Variants in MECOM observed in about 807,000 individuals in gnomAD.
MECOM encodes the protein histone-lysine N-methyltransferase MECOM.
In MECOM, 13 loss-of-function variants were observed where a neutral mutation model predicts 116.3. The observed-to-expected ratio is 0.11, with a 90% CI of 0.07 to 0.18. The LOEUF is 0.18. MECOM is among the 10% of genes least tolerant of loss of function. MECOM has a pLI of 1.00. For missense variants in MECOM, 1,299 were observed against 1,509.0 expected (o/e 0.86, Z 2.31); for synonymous variants, 528 against 535.2 (o/e 0.99, Z 0.19).
intron 1 of MECOM, among the ~76,000 whole-genome samples, chr3:169,564,125 TGTAGA>T (rs1479708372): frequency 6.6e-6 from 1 of 152,084 alleles, no homozygotes; most frequent in African/African-American, 2.4e-5. Flanking sequence ...GAAGAAAAGG[TGTAGA>T]GTAAATTGCA....
chr3:169,158,669 TC>T (rs1211634414), intron 2 of MECOM, among the ~76,000 whole-genome samples: 1 of 152,168 alleles, frequency 6.6e-6, no homozygotes. Context: ...ACTGGATGGT[TC>T]AAGAGCAGAG....
intron 2 of MECOM, among the ~76,000 whole-genome samples, chr3:169,230,667 G>T (rs1034535528): frequency 2.0e-5 from 3 of 152,218 alleles, no homozygotes; most frequent in Non-Finnish European, 4.4e-5. Flanking sequence ...AATAGGTTTA[G>T]CCTCAAGATT....
At chr3:169,204,047 G>A (rs533456875) in intron 2 of MECOM, among the ~76,000 whole-genome samples, 2 of 152,234 alleles carry the variant, frequency 1.3e-5, no homozygotes, top group South Asian at 4.1e-4. Context: ...CTGAAATTTG[G>A]TTGAGCTATC....
rs777171315 is a variant in MECOM at position 169,381,427 on chromosome 3, C to T, written c.135G>A (p.Glu45=). The T allele has an allele frequency of 1.9e-6, 3 of 1,613,808 alleles. No homozygotes were observed. Among genetic ancestry groups the T allele is most frequent in the East Asian group, 2.2e-5 (1 of 44,850 alleles). Residue 45 remains glutamate (E), a synonymous_variant, in exon 2 of 17, where the codon GAG becomes GAA. Coordinates refer to ENST00000651503, the MANE Select transcript of MECOM (RefSeq NM_004991.4). ...CACTGGATGTGGCAGGAGAGCATGG[C>T]TCTTGAATATTGAGGGAGGGAGTGC... ...VASTPSLNIQ[E]PCSPATSSEA...
chr3:169,222,653 C>T (rs954439202), intron 2 of MECOM, among the ~76,000 whole-genome samples: 5 of 152,128 alleles, frequency 3.3e-5, no homozygotes, highest in Non-Finnish European at 5.9e-5. Flanking sequence ...ATGTCTGAAA[C>T]GCAGATATAA....
intron 2 of MECOM, among the ~76,000 whole-genome samples, chr3:169,206,300 C>T (rs1749907105): frequency 6.6e-6 from 1 of 152,110 alleles, no homozygotes; most frequent in Non-Finnish European, 1.5e-5. Context: ...ATCTAATAAT[C>T]ACAGTCATTG....
intron 2 of MECOM, among the ~76,000 whole-genome samples, chr3:169,301,004 C>T (rs891646525): frequency 6.6e-6 from 1 of 152,226 alleles, no homozygotes; most frequent in Non-Finnish European, 1.5e-5. Context: ...ACTGAATTAA[C>T]TTGAAGCAAT....
chr3:169,127,574 C>T (rs1733277816), intron 5 of MECOM, among the ~76,000 whole-genome samples: 1 of 152,072 alleles, frequency 6.6e-6, no homozygotes, highest in African/African-American at 2.4e-5. Context: ...TCACAATTTA[C>T]TATAAAGTTA....
In MECOM at chr3:169,649,969, T is replaced by C. The variant is rs529052565; in HGVS notation, c.37+13367A>G. Among the ~76,000 whole-genome samples, 92 of 152,352 alleles carry C rather than the reference T, an allele frequency of 6.0e-4. 1 individual carries two copies. In the South Asian group the frequency reaches 0.018, roughly 30 times the overall value. On this transcript the variant is annotated intron_variant, in intron 1 of 16. Coordinates refer to ENST00000651503, the MANE Select transcript of MECOM (RefSeq NM_004991.4). Reference sequence around the variant, plus strand: ...CCAAAACCCAGTTATTCCATTTTTGTAACCTTCTGTGTAAAGGAATGGGCT... The same window carrying C: ...CCAAAACCCAGTTATTCCATTTTTGCAACCTTCTGTGTAAAGGAATGGGCT...
intron 2 of MECOM, among the ~76,000 whole-genome samples, chr3:169,198,523 G>C (rs1300957265): frequency 6.6e-6 from 1 of 151,892 alleles, no homozygotes; most frequent in Non-Finnish European, 1.5e-5. Context: ...ATGAAGTTCT[G>C]ATGGCAAAGT....
At chr3:169,217,476 C>T (rs1042331618) in intron 2 of MECOM, among the ~76,000 whole-genome samples, 8 of 152,040 alleles carry the variant, frequency 5.3e-5, no homozygotes, top group Non-Finnish European at 8.8e-5. Context: ...CTACTATATA[C>T]ATGAAATGTT....
chr3:169,496,512 G>A lies in MECOM; in HGVS notation c.38-114988C>T, dbSNP rs561023680. Among the ~76,000 whole-genome samples the A allele has an allele frequency of 3.3e-5, 5 of 152,280 alleles. No homozygotes were observed. In the East Asian group the frequency reaches 9.6e-4, roughly 29 times the overall value. On this transcript the variant is annotated intron_variant, in intron 1 of 16. Transcript: ENST00000651503. ...TGTGTTTTTTCAGGAAGCTAATTCT[G>A]TGACTTCCTTAAAGAGAGGGTTGCT...
chr3:169,652,094 A>C (rs979068586), intron 1 of MECOM, among the ~76,000 whole-genome samples: 3 of 152,182 alleles, frequency 2.0e-5, no homozygotes, highest in Non-Finnish European at 4.4e-5. Context: ...CAAGTCTGAA[A>C]AAATGGTTGA....
chr3:169,500,333 T>C (rs1193929069), intron 1 of MECOM, among the ~76,000 whole-genome samples: 4 of 152,064 alleles, frequency 2.6e-5, no homozygotes, highest in Admixed American at 6.6e-5. Context: ...ATAAGTCTGA[T>C]GGCTTTTTTA....
At chr3:169,299,954 T>C (rs1380741200) in intron 2 of MECOM, among the ~76,000 whole-genome samples, 1 of 152,200 alleles carries the variant, frequency 6.6e-6, no homozygotes. Context: ...TTCCATATCA[T>C]TTCACTTTCC....
At chr3:169,453,972 G>A (rs553664479) in intron 1 of MECOM, among the ~76,000 whole-genome samples, 16 of 152,144 alleles carry the variant, frequency 1.1e-4, no homozygotes, top group Admixed American at 9.8e-4. Flanking sequence ...ACTTGTTGGG[G>A]TCAGAGCCTT....
At chr3:169,427,599 T>C (rs1280768348) in intron 1 of MECOM, among the ~76,000 whole-genome samples, 1 of 152,196 alleles carries the variant, frequency 6.6e-6, no homozygotes, top group Admixed American at 6.5e-5. Flanking sequence ...AATGGAAATC[T>C]CCACTCAGAT....
intron 9 of MECOM, among the ~76,000 whole-genome samples, chr3:169,111,209 T>C (rs1177122244): frequency 6.6e-6 from 1 of 152,120 alleles, no homozygotes; most frequent in East Asian, 1.9e-4. Context: ...TCAAAGACAC[T>C]GAATCCCTTT....
At chr3:169,597,706 T>G (rs1767304664) in intron 1 of MECOM, among the ~76,000 whole-genome samples, 2 of 152,190 alleles carry the variant, frequency 1.3e-5, no homozygotes, top group African/African-American at 2.4e-5. Context: ...TCACAAACCT[T>G]GATACCTCTG....
Sources: allele counts gnomAD v4.1 joint callset (sites outside exome capture counted in the v4.1 genomes callset), GRCh38; gene constraint gnomAD v4.1.1; transcripts MANE v1.5; gene names NCBI Gene and HGNC (gene_info 2026-07-23, HGNC 2026-07-21).